BMPR1A: variants seen among roughly 807,000 people sequenced by gnomAD.
The protein encoded by BMPR1A is bone morphogenetic protein receptor type 1A.
Under a neutral mutation model 66.0 loss-of-function variants are expected in BMPR1A, and 7 were observed. The observed-to-expected ratio is 0.11, with a 90% confidence interval of 0.06 to 0.20. BMPR1A has a LOEUF of 0.20. Ranked by LOEUF, BMPR1A falls within the 10% of genes least tolerant of loss-of-function variation. The pLI is 1.00. For synonymous variants in BMPR1A, 200 were observed against 229.7 expected (o/e 0.87, Z 1.17); for missense variants, 408 against 669.1 (o/e 0.61, Z 4.31).
chr10:86,793,976 C>T (rs1841668240), intron 1 of BMPR1A, among the ~76,000 whole-genome samples: 1 of 152,182 alleles, frequency 6.6e-6, no homozygotes, highest in African/African-American at 2.4e-5. Flanking sequence ...CTCTGACCTC[C>T]TGTCATCTCT....
At chr10:86,794,908 A>G (rs962906190) in intron 1 of BMPR1A, among the ~76,000 whole-genome samples, 2 of 151,220 alleles carry the variant, frequency 1.3e-5, no homozygotes, top group East Asian at 3.9e-4. Context: ...ATGGAGTGCA[A>G]TGGTGCCATC....
chr10:86,924,842 T>C lies in BMPR1A; in HGVS notation c.*1123T>C, dbSNP rs1236608593. ...CCCATCCTTAAGAGAAGAAATGTTATAAAGTAGAACTAAATATAAATTTTC... is the reference window on the plus strand; with the variant it reads ...CCCATCCTTAAGAGAAGAAATGTTACAAAGTAGAACTAAATATAAATTTTC... On this transcript the variant is annotated 3_prime_UTR_variant, in exon 13 of 13. Transcript: ENST00000372037. 1.3e-5 allele frequency: 3 copies of C among 232,436 alleles called. No homozygotes were observed. Among genetic ancestry groups the C allele is most frequent in the Non-Finnish European group, 2.5e-5 (3 of 117,658 alleles). The allele number at this position is 232,436 out of a possible 1,614,324, so 14.4% of individuals were successfully genotyped here. A position where few individuals can be genotyped will look rare whatever the true frequency, so the allele number is the denominator to read the frequency against.
At chr10:86,818,582 G>A (rs1426132145) in intron 1 of BMPR1A, among the ~76,000 whole-genome samples, 1 of 152,082 alleles carries the variant, frequency 6.6e-6, no homozygotes, top group Non-Finnish European at 1.5e-5. Flanking sequence ...TTTCTTGACA[G>A]GTCATTTCCT....
chr10:86,919,599 TG>T lies in BMPR1A; in HGVS notation c.1166+137del, dbSNP rs56183521. On this transcript the variant is annotated intron_variant, in intron 10 of 12. Transcript: ENST00000372037. ...GTTTTTAGTTACATAAATGTATAGT[TG>T]GGGGGGATTTTGTTCTTTTTACAAA... The T allele has an allele frequency of 0.29, 351,455 of 1,208,846 alleles. 63,744 individuals carry two copies. Among genetic ancestry groups the T allele is most frequent in the East Asian group, 0.7 (27,390 of 38,938 alleles). 74.9% of individuals were successfully genotyped at this position (1,208,846 alleles called of 1,614,324 possible). A position where few individuals can be genotyped will look rare whatever the true frequency, so the allele number is the denominator to read the frequency against.
intron 1 of BMPR1A, among the ~76,000 whole-genome samples, chr10:86,832,818 T>G (rs1030728279): frequency 2.0e-5 from 3 of 152,260 alleles, no homozygotes; most frequent in African/African-American, 7.2e-5. Flanking sequence ...CAGCAATTGA[T>G]GGATGTTTGG....
intron 1 of BMPR1A, among the ~76,000 whole-genome samples, chr10:86,801,963 C>G (rs1484505144): frequency 6.6e-6 from 1 of 152,126 alleles, no homozygotes; most frequent in East Asian, 1.9e-4. Flanking sequence ...ATCTGCCCCC[C>G]TCCGCCTTCC....
intron 1 of BMPR1A, among the ~76,000 whole-genome samples, chr10:86,791,812 C>G (rs917915452): frequency 6.7e-6 from 1 of 149,122 alleles, no homozygotes. Context: ...ACCTCTGCCC[C>G]TGGGTTCAAG....
intron 1 of BMPR1A, among the ~76,000 whole-genome samples, chr10:86,804,273 T>C (rs1025560160): frequency 2.6e-5 from 4 of 152,158 alleles, no homozygotes; most frequent in African/African-American, 9.7e-5. Context: ...CAGAGTCTTG[T>C]TCTGTCGCCC....
chr10:86,927,068 A>G lies in BMPR1A; in HGVS notation c.*3349A>G. On this transcript the variant is annotated 3_prime_UTR_variant, in exon 13 of 13. Transcript: ENST00000372037. ...AGTGTCCAGAAGTGTTTCTAAACTT[A>G]GAAAGTGACCTATAGTTTTTTAAAA... 1 of 186,686 alleles carries G rather than the reference A, an allele frequency of 5.4e-6. No homozygotes were observed. Among genetic ancestry groups the G allele is most frequent in the South Asian group, 2.0e-4 (1 of 5,128 alleles). 11.6% of individuals were successfully genotyped at this position (186,686 alleles called of 1,614,324 possible). A position where few individuals can be genotyped will look rare whatever the true frequency, so the allele number is the denominator to read the frequency against.
chr10:86,827,444 G>A (rs1284643284), intron 1 of BMPR1A, among the ~76,000 whole-genome samples: 3 of 152,008 alleles, frequency 2.0e-5, no homozygotes, highest in African/African-American at 7.2e-5. Context: ...TTTTACTGCT[G>A]CTTGACACCT....
chr10:86,911,181 A>C (rs1188849859), intron 7 of BMPR1A, among the ~76,000 whole-genome samples: 4 of 151,586 alleles, frequency 2.6e-5, no homozygotes, highest in African/African-American at 9.7e-5. Context: ...AAAAAATTAA[A>C]CCTTGAGAAC....
intron 2 of BMPR1A, among the ~76,000 whole-genome samples, chr10:86,863,788 A>G (rs1000359798): frequency 1.3e-5 from 2 of 152,194 alleles, no homozygotes; most frequent in Non-Finnish European, 2.9e-5. Context: ...GAATATGCTT[A>G]GTGTAAGAGC....
intron 1 of BMPR1A, among the ~76,000 whole-genome samples, chr10:86,760,111 C>CCACTT (rs1055730674): frequency 6.7e-6 from 1 of 149,428 alleles, no homozygotes; most frequent in African/African-American, 2.5e-5. Flanking sequence ...CCAGTTCTTA[C>CCACTT]CACTTCGCCA....
intron 11 of BMPR1A, among the ~76,000 whole-genome samples, chr10:86,923,107 T>G (rs1023733765): frequency 6.6e-6 from 1 of 152,338 alleles, no homozygotes; most frequent in East Asian, 1.9e-4. Context: ...TGATTTCGCC[T>G]TGCTTATTTT....
rs187057931 is a variant in BMPR1A at position 86,816,518 on chromosome 10, A to C, written c.-267-22347A>C. ...GAAACTCCAGATTTGAAGAGAGTAC[A>C]GAAGAGGAGTACACTACAGATGGGG... On this transcript the variant is annotated intron_variant, in intron 1 of 12. Transcript: ENST00000372037. Among the ~76,000 whole-genome samples the C allele has an allele frequency of 2.0e-5, 3 of 152,242 alleles. No homozygotes were observed. In the East Asian group the frequency reaches 5.8e-4, roughly 29 times the overall value.
At chr10:86,909,382 C>T (rs1843443436) in intron 7 of BMPR1A, among the ~76,000 whole-genome samples, 2 of 151,904 alleles carry the variant, frequency 1.3e-5, no homozygotes, top group East Asian at 1.9e-4. Context: ...CACTTGAGGC[C>T]AGAAGTTCGA....
intron 2 of BMPR1A, among the ~76,000 whole-genome samples, chr10:86,859,353 G>C (rs1842683900): frequency 6.6e-6 from 1 of 151,932 alleles, no homozygotes; most frequent in South Asian, 2.1e-4. Flanking sequence ...TTGAAGTATA[G>C]AGATGGGGTC....
intron 1 of BMPR1A, among the ~76,000 whole-genome samples, chr10:86,790,188 AATATATATATATAT>A (rs1228412063): frequency 0.015 from 300 of 20,202 alleles, 6 homozygotes; most frequent in African/African-American, 0.02. Flanking sequence ...AAAAAAAAAA[AATATATATATATAT>A]ATATATATAT....
chr10:86,830,005 C>G (rs1028270221), intron 1 of BMPR1A, among the ~76,000 whole-genome samples: 4 of 151,644 alleles, frequency 2.6e-5, no homozygotes, highest in African/African-American at 9.7e-5. Flanking sequence ...GTGTAGGGAC[C>G]ACTACAATAG....
Sources: allele counts gnomAD v4.1 joint callset (sites outside exome capture counted in the v4.1 genomes callset), GRCh38; gene constraint gnomAD v4.1.1; transcripts MANE v1.5; gene names NCBI Gene and HGNC (gene_info 2026-07-23, HGNC 2026-07-21).